Variants in SPATA6 observed in about 807,000 individuals in gnomAD.
SPATA6 encodes the protein spermatogenesis associated 6, also known as spermatogenesis-associated protein 6.
Under a neutral mutation model 65.3 loss-of-function variants are expected in SPATA6, and 56 were observed. That is an observed-to-expected ratio of 0.86 (90% CI 0.69 to 1.07). The LOEUF (loss-of-function observed/expected upper bound fraction) is 1.07. Among genes scored for constraint, SPATA6 ranks in the 50% least tolerant of loss-of-function variants. SPATA6 has a pLI of 0.00. For synonymous variants in SPATA6, 199 were observed against 213.2 expected (o/e 0.93, Z 0.58); for missense variants, 590 against 594.8 (o/e 0.99, Z 0.08).
chr1:48,325,189 A>G (rs1049836483), intron 11 of SPATA6: 3 of 683,720 alleles, frequency 4.4e-6, no homozygotes, highest in Admixed American at 2.3e-5. Flanking sequence ...GGTTTGGTGC[A>G]GGGTTCGTGT....
chr1:48,291,896 T>C (rs1644770463), downstream of SPATA6, among the ~76,000 whole-genome samples: 1 of 152,112 alleles, frequency 6.6e-6, no homozygotes, highest in Non-Finnish European at 1.5e-5. Flanking sequence ...TTTTCCCCCA[T>C]TGCTTCTTTA....
rs1034684078 is a variant in SPATA6 at position 48,359,456 on chromosome 1, A to G, written c.1094+130T>C. On this transcript the variant is annotated intron_variant, in intron 10 of 12. Coordinates refer to ENST00000371847, the MANE Select transcript of SPATA6 (RefSeq NM_019073.4). ...CTAATATGTAATATATTCTAAACAA[A>G]AACAATTTAAGCCTTTTAAAATCAA... The G allele has an allele frequency of 2.1e-5, 22 of 1,061,766 alleles. No homozygotes were observed. The East Asian group carries it at 5.1e-4, about 25-fold the overall frequency. The allele number at this position is 1,061,766 out of a possible 1,614,324, so 65.8% of individuals were successfully genotyped here.
intron 3 of SPATA6, among the ~76,000 whole-genome samples, chr1:48,438,388 G>A (rs1195080138): frequency 6.6e-6 from 1 of 152,106 alleles, no homozygotes; most frequent in African/African-American, 2.4e-5. Flanking sequence ...CCAGTTAAAA[G>A]CGACTAGCGC....
intron 3 of SPATA6, 60 bp downstream of exon 3, chr1:48,451,492 A>G (rs1656563973): frequency 2.7e-6 from 4 of 1,508,672 alleles, no homozygotes; most frequent in East Asian, 2.3e-5. Flanking sequence ...ATTAAAGATC[A>G]TAAGGATAAT....
intron 9 of SPATA6, among the ~76,000 whole-genome samples, chr1:48,372,336 A>C (rs189735210): frequency 6.6e-5 from 10 of 152,316 alleles, no homozygotes; most frequent in African/African-American, 2.2e-4. Context: ...GGCCCATGTA[A>C]GTCTGAAATC....
chr1:48,336,171 C>T (rs1646053558), intron 11 of SPATA6, among the ~76,000 whole-genome samples: 1 of 152,014 alleles, frequency 6.6e-6, no homozygotes. Context: ...AATGCCTATA[C>T]ACTGCTGGCT....
chr1:48,442,717 T>TAAAAAAAAAAAAAAAAAAAAAAAAAAAA (rs71056669), intron 3 of SPATA6, among the ~76,000 whole-genome samples: 1 of 46,218 alleles, frequency 2.2e-5, no homozygotes, highest in African/African-American at 9.1e-5. Context: ...ATGGAAGTAG[T>TAAAAAAAAAAAAAAAAAAAAAAAAAAAA]AAAAAAAAAA....
At chr1:48,274,062 G>A in the SPATA6 span, among the ~76,000 whole-genome samples, 1 of 152,114 alleles carries the variant, frequency 6.6e-6, no homozygotes, top group Non-Finnish European at 1.5e-5. Context: ...GTATCTCATT[G>A]TGGTTTTGAT....
chr1:48,271,989 T>C, the SPATA6 span, among the ~76,000 whole-genome samples: 761 of 152,238 alleles, frequency 5.0e-3, 9 homozygotes, highest in African/African-American at 0.018. Context: ...TCCAGTACTT[T>C]CATGAAGGTC....
In SPATA6 at chr1:48,324,752, A is replaced by C. The variant is rs546638220; in HGVS notation, c.1195-18874T>G. Among the ~76,000 whole-genome samples the C allele has an allele frequency of 2.6e-5, 4 of 152,282 alleles. No homozygotes were observed. The East Asian group carries it at 7.7e-4, about 29-fold the overall frequency. Reference sequence around the variant, plus strand: ...CAGCTAGTATCATACCGAGTCGGGAATAAGTGAAAACCCTTCCCCTAAGAT... The same window carrying C: ...CAGCTAGTATCATACCGAGTCGGGACTAAGTGAAAACCCTTCCCCTAAGAT... On this transcript the variant is annotated intron_variant, in intron 11 of 12. Transcript: ENST00000371847.
At chr1:48,399,283 C>A in intron 7 of SPATA6, 68 bp downstream of exon 7, 1 of 1,508,532 alleles carries the variant, frequency 6.6e-7, no homozygotes, top group Non-Finnish European at 8.9e-7. Context: ...AAAGATATTT[C>A]AGAATAACAG....
chr1:48,363,891 A>C (rs564488282), intron 9 of SPATA6, among the ~76,000 whole-genome samples: 1 of 151,786 alleles, frequency 6.6e-6, no homozygotes, highest in Non-Finnish European at 1.5e-5. Context: ...ATGCTGGTGT[A>C]CTGCACCCAT....
At chr1:48,323,978 C>T (rs1645680076) in intron 11 of SPATA6, among the ~76,000 whole-genome samples, 1 of 151,986 alleles carries the variant, frequency 6.6e-6, no homozygotes, top group African/African-American at 2.4e-5. Flanking sequence ...GAGATGGGAT[C>T]TCACTCTGTT....
downstream of SPATA6, chr1:48,295,248 A>C (rs1489159076): frequency 1.3e-5 from 2 of 152,206 alleles, no homozygotes; most frequent in East Asian, 3.9e-4. Flanking sequence ...TGTATACTCA[A>C]GGGAAATAAA....
chr1:48,350,729 T>A (rs1646493339), intron 11 of SPATA6, among the ~76,000 whole-genome samples: 1 of 151,966 alleles, frequency 6.6e-6, no homozygotes, highest in South Asian at 2.1e-4. Flanking sequence ...ATTCCTTTGA[T>A]ACATGTGTCC....
In SPATA6 at chr1:48,342,540, C is replaced by T. The variant is rs547202113; in HGVS notation, c.1194+13130G>A. 9.2e-4 allele frequency among the ~76,000 whole-genome samples: 139 copies of T among 151,538 alleles called. 1 individual carries two copies. The highest frequency in any genetic ancestry group is 9.7e-4 in the Non-Finnish European group (66 of 67,880). ...CTAAGGCAGGAGAATGGCATGAACCCCGGAGGCAGAGCTTGCAGTGAGCCA... is the reference window on the plus strand; with the variant it reads ...CTAAGGCAGGAGAATGGCATGAACCTCGGAGGCAGAGCTTGCAGTGAGCCA... On this transcript the variant is annotated intron_variant, in intron 11 of 12. Coordinates refer to ENST00000371847, the MANE Select transcript of SPATA6 (RefSeq NM_019073.4).
intron 9 of SPATA6, among the ~76,000 whole-genome samples, chr1:48,371,482 A>G (rs1647281877): frequency 6.6e-6 from 1 of 152,222 alleles, no homozygotes; most frequent in African/African-American, 2.4e-5. Flanking sequence ...ACATTAGTCT[A>G]CACTACAGCA....
At chr1:48,278,613 G>A in the SPATA6 span, among the ~76,000 whole-genome samples, 10 of 152,166 alleles carry the variant, frequency 6.6e-5, no homozygotes, top group Middle Eastern at 3.2e-3. Context: ...GAAATGAAGC[G>A]AGAAGGGAAG....
At chr1:48,372,878 C>T (rs1405637794) in intron 9 of SPATA6, among the ~76,000 whole-genome samples, 1 of 152,186 alleles carries the variant, frequency 6.6e-6, no homozygotes. Context: ...TTAGCCATGG[C>T]TTTAGTGGCT....
Sources: allele counts gnomAD v4.1 joint callset (sites outside exome capture counted in the v4.1 genomes callset), GRCh38; gene constraint gnomAD v4.1.1; transcripts MANE v1.5; gene names NCBI Gene and HGNC (gene_info 2026-07-23, HGNC 2026-07-21).